CADPS2: variants seen among roughly 807,000 people sequenced by gnomAD.
The protein encoded by CADPS2 is calcium dependent secretion activator 2, also known as calcium-dependent secretion activator 2.
CADPS2 carries 93 observed loss-of-function variants against 172.5 expected under a neutral mutation model. The ratio of observed to expected loss-of-function variants is 0.54; its 90% CI spans 0.46 to 0.64. The LOEUF (loss-of-function observed/expected upper bound fraction) is 0.64. Ranked by LOEUF, CADPS2 falls within the 30% of genes least tolerant of loss-of-function variation. The pLI is 0.00. For synonymous variants in CADPS2, 546 were observed against 555.2 expected (o/e 0.98, Z 0.23); for missense variants, 1,420 against 1,565.9 (o/e 0.91, Z 1.57).
intron 1 of CADPS2, among the ~76,000 whole-genome samples, chr7:122,862,296 G>C (rs531003569): frequency 2.0e-4 from 31 of 152,182 alleles, no homozygotes; most frequent in Middle Eastern, 3.2e-3. Context: ...TCTGCTCTGT[G>C]CCTTGGGAGG....
chr7:122,451,490 A>G lies in CADPS2; in HGVS notation c.2187-15T>C. 3.6e-6 allele frequency: 5 copies of G among 1,408,198 alleles called. No homozygotes were observed. The highest frequency in any genetic ancestry group is 4.9e-6 in the Non-Finnish European group (5 of 1,021,086). 87.2% of individuals were successfully genotyped at this position (1,408,198 alleles called of 1,614,324 possible). A position where few individuals can be genotyped will look rare whatever the true frequency, so the allele number is the denominator to read the frequency against. On this transcript the variant is annotated splice_polypyrimidine_tract_variant and intron_variant, in intron 14 of 29. Coordinates refer to ENST00000449022, the MANE Select transcript of CADPS2 (RefSeq NM_017954.11). ...TTCCATCAGGCCTGAAAAAAAAATC[A>G]GAATCAATAATTCATATTGATCGAA...
At chr7:122,794,291 G>T (rs1323683412) in intron 1 of CADPS2, among the ~76,000 whole-genome samples, 1 of 151,666 alleles carries the variant, frequency 6.6e-6, no homozygotes, top group East Asian at 1.9e-4. Flanking sequence ...CGGAGGTTTT[G>T]TTCATTTCCT....
intron 17 of CADPS2, among the ~76,000 whole-genome samples, chr7:122,436,869 A>G (rs2050706674): frequency 1.3e-5 from 2 of 152,144 alleles, no homozygotes; most frequent in Admixed American, 1.3e-4. Context: ...GATAAAGTGC[A>G]CTGCATATAT....
chr7:122,492,070 G>A (rs1201299487), intron 9 of CADPS2, among the ~76,000 whole-genome samples: 1 of 152,084 alleles, frequency 6.6e-6, no homozygotes, highest in Non-Finnish European at 1.5e-5. Flanking sequence ...AACTCTGGAG[G>A]CTGAGGTAGA....
At chr7:122,507,789 T>C (rs551055173) in intron 9 of CADPS2, among the ~76,000 whole-genome samples, 1 of 152,214 alleles carries the variant, frequency 6.6e-6, no homozygotes, top group African/African-American at 2.4e-5. Flanking sequence ...TGGTTTCAAC[T>C]AGTATGGTGG....
intron 5 of CADPS2, 43 bp downstream of exon 5, chr7:122,621,438 T>A: frequency 8.1e-7 from 1 of 1,238,898 alleles, no homozygotes; most frequent in South Asian, 1.3e-5. Flanking sequence ...TTGTGCATCA[T>A]CATTTATGCT....
At chr7:122,637,171 CT>C (rs71161313) in intron 3 of CADPS2, among the ~76,000 whole-genome samples, 11 of 53,892 alleles carry the variant, frequency 2.0e-4, no homozygotes, top group Non-Finnish European at 2.6e-4. Context: ...TGAAATTTTG[CT>C]TTTTTTTTTT....
At chr7:122,681,366 G>A (rs980230333) in intron 2 of CADPS2, 22 of 1,494,000 alleles carry the variant, frequency 1.5e-5, no homozygotes, top group South Asian at 5.6e-5. Context: ...CCGCGGCCAC[G>A]TGCAACCTGT....
intron 2 of CADPS2, among the ~76,000 whole-genome samples, chr7:122,670,371 A>G (rs2081681202): frequency 6.6e-6 from 1 of 152,014 alleles, no homozygotes; most frequent in Non-Finnish European, 1.5e-5. Flanking sequence ...TGAGCTCAGG[A>G]GTTGGAGACC....
intron 1 of CADPS2, among the ~76,000 whole-genome samples, chr7:122,870,099 T>A (rs565660576): frequency 6.6e-6 from 1 of 152,088 alleles, no homozygotes; most frequent in South Asian, 2.1e-4. Context: ...TCCTTACCTA[T>A]CAATAATGAC....
At chr7:122,728,264 G>A (rs966620386) in intron 2 of CADPS2, among the ~76,000 whole-genome samples, 2 of 151,728 alleles carry the variant, frequency 1.3e-5, no homozygotes, top group Non-Finnish European at 2.9e-5. Context: ...GGATAAAAAA[G>A]TAAGGTAATT....
At chr7:122,546,790 C>G (rs1214783608) in intron 8 of CADPS2, among the ~76,000 whole-genome samples, 1 of 152,106 alleles carries the variant, frequency 6.6e-6, no homozygotes, top group Admixed American at 6.6e-5. Context: ...CCATTCCTCT[C>G]CGTATACAGT....
intron 17 of CADPS2, among the ~76,000 whole-genome samples, chr7:122,432,002 G>A (rs2049997691): frequency 6.6e-6 from 1 of 152,102 alleles, no homozygotes; most frequent in African/African-American, 2.4e-5. Context: ...ATAGTGCCTG[G>A]TATATAAGCA....
At chr7:122,842,930 A>G (rs1584855282) in intron 1 of CADPS2, among the ~76,000 whole-genome samples, 1 of 152,344 alleles carries the variant, frequency 6.6e-6, no homozygotes, top group African/African-American at 2.4e-5. Context: ...GAGCCTTCAA[A>G]GCCTTTCAGT....
At chr7:122,509,473 T>G (rs1183220137) in intron 9 of CADPS2, among the ~76,000 whole-genome samples, 1 of 152,194 alleles carries the variant, frequency 6.6e-6, no homozygotes, top group Admixed American at 6.6e-5. Flanking sequence ...AGACGTCTAC[T>G]CAGTTTCCAA....
At chr7:122,419,610 G>C (rs1214446465) in intron 17 of CADPS2, among the ~76,000 whole-genome samples, 2 of 152,056 alleles carry the variant, frequency 1.3e-5, no homozygotes, top group Non-Finnish European at 2.9e-5. Flanking sequence ...GATTCTCAAA[G>C]TTGTCTATAA....
At chr7:122,657,452 C>A (rs868223803) in intron 3 of CADPS2, among the ~76,000 whole-genome samples, 1 of 152,122 alleles carries the variant, frequency 6.6e-6, no homozygotes, top group South Asian at 2.1e-4. Flanking sequence ...ATGGAATGTT[C>A]TTCCATTTGT....
At chr7:122,854,200 A>C (rs577210879) in intron 1 of CADPS2, among the ~76,000 whole-genome samples, 1 of 152,080 alleles carries the variant, frequency 6.6e-6, no homozygotes, top group South Asian at 2.1e-4. Context: ...TCTCCACAAA[A>C]AATACAAAAA....
intron 25 of CADPS2, among the ~76,000 whole-genome samples, chr7:122,364,236 T>A (rs577494515): frequency 1.3e-5 from 2 of 151,330 alleles, no homozygotes; most frequent in Non-Finnish European, 2.9e-5. Flanking sequence ...CATAGCAAGA[T>A]CCTGTCTCTA....
Sources: gnomAD v4.1 joint callset for allele counts (sites outside exome capture counted in the v4.1 genomes callset) on GRCh38, gnomAD v4.1.1 for gene constraint, MANE v1.5 for transcripts, NCBI Gene and HGNC (gene_info 2026-07-23, HGNC 2026-07-21) for gene names.